AGAP1: variants seen among roughly 807,000 people sequenced by gnomAD.
The protein encoded by AGAP1 is ArfGAP with GTPase domain, ankyrin repeat and PH domain 1, also known as arf-GAP with GTPase, ANK repeat and PH domain-containing protein 1.
In AGAP1, 29 loss-of-function variants were observed where a neutral mutation model predicts 105.3. The observed-to-expected ratio is 0.28, with a 90% CI of 0.21 to 0.38. The LOEUF (loss-of-function observed/expected upper bound fraction) is 0.38, where lower values mean the gene tolerates loss of function less well. AGAP1 is among the 10% of genes least tolerant of loss of function. The pLI is 1.00. For missense variants in AGAP1, 998 were observed against 1,165.1 expected, an observed-to-expected ratio of 0.86 and a Z score of 2.09; for synonymous variants, 509 against 485.9, an observed-to-expected ratio of 1.05 and a Z score of -0.63.
chr2:235,712,998 G>A lies in AGAP1; in HGVS notation c.222+3761G>A, dbSNP rs994275390. Among the ~76,000 whole-genome samples the A allele has an allele frequency of 6.6e-6, 1 of 152,218 alleles. No homozygotes were observed. The highest frequency in any genetic ancestry group is 1.5e-5 in the Non-Finnish European group (1 of 68,030). On this transcript the variant is annotated intron_variant, in intron 2 of 17. Coordinates refer to ENST00000304032, the MANE Select transcript of AGAP1 (RefSeq NM_001037131.3). The surrounding 1 kb of genome is among the most constrained non-coding windows in gnomAD (Gnocchi z 6.0). Reference sequence around the variant, plus strand: ...TGTGACTGAGGTGGTCTGTGAGATGGCTGTTCCAGCCAAACCAAACCCCTT... The same window carrying A: ...TGTGACTGAGGTGGTCTGTGAGATGACTGTTCCAGCCAAACCAAACCCCTT...
intron 1 of AGAP1, among the ~76,000 whole-genome samples, chr2:235,696,055 A>G (rs1949982998): frequency 6.6e-6 from 1 of 151,964 alleles, no homozygotes; most frequent in Non-Finnish European, 1.5e-5. Flanking sequence ...TTTGTTTACC[A>G]TTTTTCTTGA....
In AGAP1 at chr2:236,101,798, G is replaced by T. The variant is rs1004991994; in HGVS notation, c.2115-18394G>T. Among the ~76,000 whole-genome samples, 1 of 152,198 alleles carries T rather than the reference G, an allele frequency of 6.6e-6. No homozygotes were observed. Among genetic ancestry groups the T allele is most frequent in the African/African-American group, 2.4e-5 (1 of 41,454 alleles). On this transcript the variant is annotated intron_variant, in intron 16 of 17. Transcript: ENST00000304032. This position sits in a 1 kb window ranked among gnomAD's most constrained non-coding sequence, Gnocchi z 4.9. ...GCGGAGTCTAGGACGGCCTCACCCC[G>T]CTGGCTCGGGCTCCCTCTCACTGGG...
rs577684066 is a variant in AGAP1, at chr2:235,777,425, A to T, written c.674-20334A>T. Among the ~76,000 whole-genome samples, 3 of 152,174 alleles carry T rather than the reference A, an allele frequency of 2.0e-5. No individual in the cohort carries two copies. In the East Asian group the frequency reaches 5.8e-4, roughly 29 times the overall value. On this transcript the variant is annotated intron_variant, in intron 6 of 17. Transcript: ENST00000304032. The surrounding 1 kb of genome is among the most constrained non-coding windows in gnomAD (Gnocchi z 5.1). ...ACCAGCAGACATGGGACAGAAGAAG[A>T]ATTACAGGTGTGAAGCGCCCGTGTG...
At chr2:235,499,588 G>C (rs1353804248) in intron 1 of AGAP1, among the ~76,000 whole-genome samples, 1 of 152,132 alleles carries the variant, frequency 6.6e-6, no homozygotes, top group South Asian at 2.1e-4. Context: ...TCCACAATGC[G>C]GGCGTTCCTT....
chr2:235,494,263 G>GTCGGCCC lies in AGAP1; in HGVS notation c.-416_-410dup, dbSNP rs1422403344. On this transcript the variant is annotated 5_prime_UTR_variant, in exon 1 of 18. Coordinates refer to ENST00000304032, the MANE Select transcript of AGAP1 (RefSeq NM_001037131.3). The stretch of plus-strand genomic sequence containing the variant: ...AGCAGCGCGGCCACACTGCCCAGGG[G>GTCGGCCC]TCGGCCCTCGGCCCCGGCGCTCGGA... 6.9e-6 allele frequency: 1 copy of GTCGGCCC among 145,156 alleles called. No homozygotes were observed. Among genetic ancestry groups the GTCGGCCC allele is most frequent in the African/African-American group, 2.5e-5 (1 of 40,398 alleles). 9.0% of individuals were successfully genotyped at this position (145,156 alleles called of 1,614,324 possible).
Position 235,753,768 on chromosome 2 carries a change from T to C in AGAP1, c.673+3280T>C, listed in dbSNP as rs569074513. ...AGCAAATACCTGTGAAGCTACAACTTCCGTGACTATTGCGATTTTTTTGTC... is the reference window on the plus strand; with the variant it reads ...AGCAAATACCTGTGAAGCTACAACTCCCGTGACTATTGCGATTTTTTTGTC... On this transcript the variant is annotated intron_variant, in intron 6 of 17. Coordinates refer to ENST00000304032, the MANE Select transcript of AGAP1 (RefSeq NM_001037131.3). This position sits in a 1 kb window ranked among gnomAD's most constrained non-coding sequence, Gnocchi z 4.5. Among the ~76,000 whole-genome samples, 2 of 152,246 alleles carry C rather than the reference T, an allele frequency of 1.3e-5. No individual in the cohort carries two copies. The highest frequency in any genetic ancestry group is 4.8e-5 in the African/African-American group (2 of 41,534).
At chr2:236,006,975 A>G (rs970709369) in intron 13 of AGAP1, among the ~76,000 whole-genome samples, 4 of 152,200 alleles carry the variant, frequency 2.6e-5, no homozygotes, top group African/African-American at 9.7e-5. Flanking sequence ...GCCCTCCCAG[A>G]TTAATAATGA....
chr2:235,533,825 T>C (rs1346660047), intron 1 of AGAP1, among the ~76,000 whole-genome samples: 1 of 152,268 alleles, frequency 6.6e-6, no homozygotes, highest in Non-Finnish European at 1.5e-5. Flanking sequence ...CCCTCTGTGC[T>C]GCAAGCATCC....
At chr2:235,762,681 A>G (rs935357092) in intron 6 of AGAP1, among the ~76,000 whole-genome samples, 1 of 152,170 alleles carries the variant, frequency 6.6e-6, no homozygotes, top group African/African-American at 2.4e-5. Context: ...CAGACCGGCC[A>G]ACATGGCGAA....
intron 10 of AGAP1, among the ~76,000 whole-genome samples, chr2:235,885,323 G>T (rs2050221773): frequency 6.6e-6 from 1 of 152,138 alleles, no homozygotes; most frequent in Non-Finnish European, 1.5e-5. Flanking sequence ...CCACTGTGTG[G>T]ATGTGCCTTC....
At chr2:236,047,255 G>A (rs1046424970) in intron 15 of AGAP1, among the ~76,000 whole-genome samples, 6 of 152,146 alleles carry the variant, frequency 3.9e-5, no homozygotes, top group African/African-American at 1.2e-4. Flanking sequence ...CCATGGTCAG[G>A]AGGTAGAGGC....
chr2:235,727,836 T>C (rs1474979558), intron 3 of AGAP1, among the ~76,000 whole-genome samples: 5 of 152,060 alleles, frequency 3.3e-5, no homozygotes, highest in African/African-American at 1.2e-4. Context: ...CTCTGGAAGG[T>C]AGCATACTGA....
chr2:235,681,636 T>G lies in AGAP1; in HGVS notation c.164-27543T>G, dbSNP rs368479702. Among the ~76,000 whole-genome samples, 5 of 152,308 alleles carry G rather than the reference T, an allele frequency of 3.3e-5. 1 individual carries two copies. The highest frequency in any genetic ancestry group is 7.2e-5 in the African/African-American group (3 of 41,592). On this transcript the variant is annotated intron_variant, in intron 1 of 17. Transcript: ENST00000304032. Reference sequence around the variant, plus strand: ...ATAAATGTGGAATACAGTATGCACCTAAAAATATAATACAGTTTTAATTTT... The same window carrying G: ...ATAAATGTGGAATACAGTATGCACCGAAAAATATAATACAGTTTTAATTTT...
intron 6 of AGAP1, chr2:235,774,585 C>CT (rs762259171): frequency 8.5e-5 from 26 of 305,734 alleles, no homozygotes; most frequent in Non-Finnish European, 1.3e-4. Flanking sequence ...GAAATGAAGC[C>CT]AGGGCTCTGA....
chr2:235,589,904 G>A (rs1283264384), intron 1 of AGAP1, among the ~76,000 whole-genome samples: 1 of 150,982 alleles, frequency 6.6e-6, no homozygotes. Context: ...TTTTTGAGAT[G>A]GTATCTCGTT....
chr2:235,814,259 G>GC (rs1283419102), intron 9 of AGAP1, among the ~76,000 whole-genome samples: 3 of 152,202 alleles, frequency 2.0e-5, no homozygotes, highest in African/African-American at 7.2e-5. Flanking sequence ...TTCCCTGCCT[G>GC]CCTCCCATTT....
rs199729717 is a variant in AGAP1 at position 235,971,741 on chromosome 2, TTTTATTTATTTATTTATTTATTTA to T, written c.1645+3141_1645+3164del. On this transcript the variant is annotated intron_variant, in intron 13 of 17. Transcript: ENST00000304032. This position sits in a 1 kb window ranked among gnomAD's most constrained non-coding sequence, Gnocchi z 4.8. ...ACTAAAGCTAGTTATATATGTTTTATTTTATTTATTTATTTATTTATTTATTTATTTATTTATTTATTTATTGTA... is the reference window on the plus strand; with the variant it reads ...ACTAAAGCTAGTTATATATGTTTTATTTTATTTATTTATTTATTTATTGTA... Among the ~76,000 whole-genome samples the T allele has an allele frequency of 6.9e-6, 1 of 145,678 alleles. No individual in the cohort carries two copies. The highest frequency in any genetic ancestry group is 2.6e-5 in the African/African-American group (1 of 38,834).
At chr2:236,110,440 G>A (rs2059613751) in intron 16 of AGAP1, among the ~76,000 whole-genome samples, 1 of 151,964 alleles carries the variant, frequency 6.6e-6, no homozygotes, top group Non-Finnish European at 1.5e-5. Flanking sequence ...ATGTGCACCT[G>A]TAGTTCCACC....
intron 8 of AGAP1, among the ~76,000 whole-genome samples, chr2:235,800,966 A>G (rs762366287): frequency 6.6e-6 from 1 of 152,136 alleles, no homozygotes; most frequent in Non-Finnish European, 1.5e-5. Flanking sequence ...CCCTTTGTGA[A>G]TCTGATCTTG....
Sources: allele counts gnomAD v4.1 joint callset (sites outside exome capture counted in the v4.1 genomes callset), GRCh38; gene constraint gnomAD v4.1.1; non-coding constraint Gnocchi (gnomAD v3.1); transcripts MANE v1.5; gene names NCBI Gene and HGNC (gene_info 2026-07-23, HGNC 2026-07-21).